TUSC3: variants seen among roughly 807,000 people sequenced by gnomAD.
TUSC3 encodes the protein tumor suppressor candidate 3.
In TUSC3, 45 loss-of-function variants were observed where a neutral mutation model predicts 44.8. The observed-to-expected ratio is 1.00, with a 90% CI of 0.79 to 1.29. TUSC3 has a LOEUF of 1.29. TUSC3 is among the 50% of genes most tolerant of loss of function. TUSC3 has a pLI of 0.00. For synonymous variants in TUSC3, 212 were observed against 152.9 expected (o/e 1.39, Z -2.85); for missense variants, 519 against 437.9 (o/e 1.19, Z -1.65).
Position 15,550,426 on chromosome 8 carries a change from A to G in TUSC3, c.138+9858A>G, listed in dbSNP as rs1297618813. ...GTGATTTTACAAAATATTGCATTAT[A>G]GAATGTTAGAGCAGGAAAGTCAGGT... On this transcript the variant is annotated intron_variant, in intron 1 of 10. Coordinates refer to ENST00000503731, the MANE Select transcript of TUSC3 (RefSeq NM_006765.4). Among the ~76,000 whole-genome samples, 3 of 151,746 alleles carry G rather than the reference A, an allele frequency of 2.0e-5. 1 individual carries two copies. Among genetic ancestry groups the G allele is most frequent in the Admixed American group, 6.6e-5 (1 of 15,204 alleles).
chr8:15,500,506 C>CA (rs1800945201), intron 2 of TUSC3, among the ~76,000 whole-genome samples: 1 of 152,002 alleles, frequency 6.6e-6, no homozygotes, highest in Non-Finnish European at 1.5e-5. Flanking sequence ...TGTTAACACA[C>CA]AAAAAAGGAA....
intron 1 of TUSC3, among the ~76,000 whole-genome samples, chr8:15,545,816 G>A (rs1443532366): frequency 6.6e-6 from 1 of 151,592 alleles, no homozygotes; most frequent in Non-Finnish European, 1.5e-5. Flanking sequence ...CATATTCATC[G>A]ATTTTAGATG....
intron 2 of TUSC3, among the ~76,000 whole-genome samples, chr8:15,491,887 T>C (rs946939102): frequency 5.9e-5 from 9 of 152,220 alleles, no homozygotes; most frequent in Admixed American, 1.3e-4. Context: ...TTTTAATGCA[T>C]TCGCTGTTCC....
At chr8:15,563,490 A>T (rs1017911535) in intron 1 of TUSC3, among the ~76,000 whole-genome samples, 1 of 152,054 alleles carries the variant, frequency 6.6e-6, no homozygotes, top group Non-Finnish European at 1.5e-5. Context: ...GTTTGAGAAC[A>T]GCCTGGCCAA....
At chr8:15,437,730 A>C (rs1047153230) in intron 1 of TUSC3, among the ~76,000 whole-genome samples, 1 of 152,202 alleles carries the variant, frequency 6.6e-6, no homozygotes, top group Admixed American at 6.5e-5. Context: ...CTTTGGAAGC[A>C]CTGGAAAGTA....
intron 2 of TUSC3, among the ~76,000 whole-genome samples, chr8:15,511,229 T>G (rs1261598178): frequency 6.6e-6 from 1 of 151,804 alleles, no homozygotes; most frequent in Non-Finnish European, 1.5e-5. Flanking sequence ...TGGAATGAAT[T>G]TCTCTCCAGT....
chr8:15,552,718 G>T (rs1802100654), intron 1 of TUSC3, among the ~76,000 whole-genome samples: 1 of 151,698 alleles, frequency 6.6e-6, no homozygotes, highest in Non-Finnish European at 1.5e-5. Context: ...CTTAAGCCAT[G>T]TTAAAGAATC....
At chr8:15,797,102 A>G in the TUSC3 span, among the ~76,000 whole-genome samples, 1 of 152,206 alleles carries the variant, frequency 6.6e-6, no homozygotes, top group Non-Finnish European at 1.5e-5. Context: ...GAATGGAGGC[A>G]GCTTCTCTTT....
intron 1 of TUSC3, among the ~76,000 whole-genome samples, chr8:15,583,040 G>C (rs1803438764): frequency 6.6e-6 from 1 of 152,078 alleles, no homozygotes; most frequent in Admixed American, 6.6e-5. Flanking sequence ...CATGTAGCTA[G>C]GTGACCATGA....
intron 2 of TUSC3, among the ~76,000 whole-genome samples, chr8:15,506,233 C>T (rs1053370322): frequency 6.6e-6 from 1 of 152,184 alleles, no homozygotes; most frequent in Non-Finnish European, 1.5e-5. Context: ...TTTCTCTGAG[C>T]TTCCCCTGCC....
chr8:15,511,864 G>C (rs1391394813), intron 2 of TUSC3, among the ~76,000 whole-genome samples: 1 of 118,360 alleles, frequency 8.4e-6, no homozygotes, highest in Admixed American at 8.1e-5. Context: ...GAGCAAGACA[G>C]TCTCAAAAAA....
chr8:15,614,243 G>A (rs952136654), intron 1 of TUSC3, among the ~76,000 whole-genome samples: 1 of 152,004 alleles, frequency 6.6e-6, no homozygotes, highest in African/African-American at 2.4e-5. Flanking sequence ...TCTAGGCTGA[G>A]ATGGGGGTCT....
At chr8:15,493,281 G>C (rs1048333928) in intron 2 of TUSC3, among the ~76,000 whole-genome samples, 2 of 152,008 alleles carry the variant, frequency 1.3e-5, no homozygotes, top group Non-Finnish European at 2.9e-5. Context: ...AGAGACAGGA[G>C]ACAGGGTCTC....
intron 1 of TUSC3, among the ~76,000 whole-genome samples, chr8:15,434,241 T>A (rs200414259): frequency 0.16 from 25,019 of 152,112 alleles, 2,101 homozygotes; most frequent in Middle Eastern, 0.22. Flanking sequence ...TGTACACTGT[T>A]TTTTTGTGAA....
Position 15,765,411 on chromosome 8 carries a change from G to A in TUSC3, c.*1255G>A, listed in dbSNP as rs1812299983. ...AATTTTCATTAAGATTTGAGTAACA[G>A]ACCATGGAGAATTGTTTTCATTGGG... On this transcript the variant is annotated 3_prime_UTR_variant, in exon 11 of 11. Transcript: ENST00000503731. 1 of 151,950 alleles carries A rather than the reference G, an allele frequency of 6.6e-6. No homozygotes were observed. The highest frequency in any genetic ancestry group is 2.1e-4 in the South Asian group (1 of 4,828). The allele number at this position is 151,950 out of a possible 1,614,324, so 9.4% of individuals were successfully genotyped here. A position where few individuals can be genotyped will look rare whatever the true frequency, so the allele number is the denominator to read the frequency against.
At chr8:15,852,005 T>G in the TUSC3 span, among the ~76,000 whole-genome samples, 1 of 152,142 alleles carries the variant, frequency 6.6e-6, no homozygotes, top group African/African-American at 2.4e-5. Context: ...CCATGTGAGA[T>G]GTGCCTTTTG....
At chr8:15,839,331 C>A in the TUSC3 span, among the ~76,000 whole-genome samples, 1 of 151,774 alleles carries the variant, frequency 6.6e-6, no homozygotes, top group African/African-American at 2.4e-5. Flanking sequence ...TCCTCTTTTC[C>A]TAATGGAATA....
chr8:15,437,092 T>C (rs1370031161), intron 1 of TUSC3, among the ~76,000 whole-genome samples: 1 of 152,148 alleles, frequency 6.6e-6, no homozygotes, highest in Non-Finnish European at 1.5e-5. Flanking sequence ...TTGAGTCAAA[T>C]TAAGATATCT....
chr8:15,717,744 T>A (rs1176053357), intron 6 of TUSC3, among the ~76,000 whole-genome samples: 1 of 152,098 alleles, frequency 6.6e-6, no homozygotes, highest in African/African-American at 2.4e-5. Context: ...TTTTGTACCA[T>A]GTAACTTAAT....
Sources: gnomAD v4.1 joint callset for allele counts (sites outside exome capture counted in the v4.1 genomes callset) on GRCh38, gnomAD v4.1.1 for gene constraint, MANE v1.5 for transcripts, NCBI Gene and HGNC (gene_info 2026-07-23, HGNC 2026-07-21) for gene names.